The following ALOX5 variants were observed in gnomAD, a reference collection of about 807,000 sequenced individuals.
The protein encoded by ALOX5 is polyunsaturated fatty acid 5-lipoxygenase.
A neutral mutation model predicts 87.9 loss-of-function variants in ALOX5; 64 were observed. The observed-to-expected ratio is 0.73, with a 90% CI of 0.60 to 0.90. The LOEUF (loss-of-function observed/expected upper bound fraction) is 0.90, where lower values mean the gene tolerates loss of function less well. Among genes scored for constraint, ALOX5 ranks in the 40% least tolerant of loss-of-function variants. The pLI is 0.00. For missense variants in ALOX5, 822 were observed against 907.5 expected, an observed-to-expected ratio of 0.91 and a Z score of 1.21; for synonymous variants, 388 against 355.1, an observed-to-expected ratio of 1.09 and a Z score of -1.04.
In ALOX5 at chr10:45,440,466, C is replaced by T. The variant is rs1295949943; in HGVS notation, c.1018C>T (p.Leu340Phe). ...CCCGGGAGATGAGAACCCTATTTTC[C>T]TCCCTTCGGATGCAAAATACGACTG... ...QIPGDENPIF[L>F]PSDAKYDWLL... The change falls in exon 8 of 14, where the codon CTC (leucine) becomes TTC (phenylalanine). Residue 340 changes from leucine to phenylalanine, a missense_variant. Transcript: ENST00000374391. 1 of 1,614,126 alleles carries T rather than the reference C, an allele frequency of 6.2e-7. No individual in the cohort carries two copies. The highest frequency in any genetic ancestry group is 8.5e-7 in the Non-Finnish European group (1 of 1,180,056).
intron 9 of ALOX5, 80 bp from the exon 10 acceptor site, chr10:45,442,958 C>G: frequency 1.3e-6 from 2 of 1,481,988 alleles, no homozygotes; most frequent in South Asian, 1.3e-5. Flanking sequence ...CCTCGCCTCC[C>G]CTGGCACATT....
intron 4 of ALOX5, among the ~76,000 whole-genome samples, chr10:45,419,892 A>G (rs10900216): frequency 0.74 from 112,166 of 152,014 alleles, 41,602 homozygotes; most frequent in East Asian, 0.81. Context: ...AAGGGTGAGG[A>G]CCCAGGCTGG....
intron 7 of ALOX5, among the ~76,000 whole-genome samples, chr10:45,436,639 T>C (rs1161222432): frequency 6.6e-6 from 1 of 152,228 alleles, no homozygotes; most frequent in Non-Finnish European, 1.5e-5. Context: ...TATACCATGC[T>C]GTTTTTGTTA....
intron 3 of ALOX5, among the ~76,000 whole-genome samples, chr10:45,397,257 G>C (rs1471348149): frequency 6.6e-6 from 1 of 152,182 alleles, no homozygotes; most frequent in Non-Finnish European, 1.5e-5. Flanking sequence ...GCATGCGCCT[G>C]TAGTCCCAGC....
intron 7 of ALOX5, among the ~76,000 whole-genome samples, chr10:45,439,389 C>T (rs1310292959): frequency 6.6e-6 from 1 of 152,218 alleles, no homozygotes; most frequent in Non-Finnish European, 1.5e-5. Context: ...TTTCCCAGCA[C>T]CTAAAGTCTG....
In ALOX5 at chr10:45,445,941, C is replaced by T; in HGVS notation, c.*254C>T. ...CCCAGCTCAGCATTTCCACACCAAG[C>T]AGCAACAGCAAATCACGACCACTGA... On this transcript the variant is annotated 3_prime_UTR_variant, in exon 14 of 14. Transcript: ENST00000374391. 2.3e-6 allele frequency: 1 copy of T among 429,562 alleles called. No homozygotes were observed. Among genetic ancestry groups the T allele is most frequent in the Non-Finnish European group, 4.1e-6 (1 of 243,596 alleles). 26.6% of individuals were successfully genotyped at this position (429,562 alleles called of 1,614,324 possible). A position where few individuals can be genotyped will look rare whatever the true frequency, so the allele number is the denominator to read the frequency against.
chr10:45,397,987 T>C (rs2132723007), intron 3 of ALOX5, among the ~76,000 whole-genome samples: 1 of 152,336 alleles, frequency 6.6e-6, no homozygotes, highest in East Asian at 1.9e-4. Context: ...ATTGACAAGC[T>C]GTCAATTCTG....
chr10:45,420,770 G>A (rs191539257), intron 4 of ALOX5, among the ~76,000 whole-genome samples: 21 of 152,370 alleles, frequency 1.4e-4, no homozygotes, highest in Non-Finnish European at 2.2e-4. Flanking sequence ...CAACTGTGGC[G>A]TAAAAAATGG....
rs559973770 is a variant in ALOX5, at chr10:45,378,347, C to T, written c.150+3918C>T. 2.5e-4 allele frequency among the ~76,000 whole-genome samples: 38 copies of T among 152,288 alleles called. 1 individual carries two copies. Among genetic ancestry groups the T allele is most frequent in the Middle Eastern group, 6.8e-3 (2 of 294 alleles). The stretch of plus-strand genomic sequence containing the variant: ...GGGAGGAACCTGGGCTTGGCCATCA[C>T]ACAGGTGTAGGTTCTGATCTTGAGG... On this transcript the variant is annotated intron_variant, in intron 1 of 13. Coordinates refer to ENST00000374391, the MANE Select transcript of ALOX5 (RefSeq NM_000698.5).
intron 2 of ALOX5, among the ~76,000 whole-genome samples, chr10:45,389,095 G>A (rs1840107882): frequency 6.6e-6 from 1 of 152,212 alleles, no homozygotes; most frequent in Non-Finnish European, 1.5e-5. Context: ...GGGTATCAGT[G>A]ACTGAAGATC....
intron 4 of ALOX5, among the ~76,000 whole-genome samples, chr10:45,422,376 C>T (rs1035690305): frequency 2.0e-5 from 3 of 152,166 alleles, no homozygotes; most frequent in East Asian, 3.9e-4. Context: ...CAGCTCAGAC[C>T]CAGCCATGCT....
At chr10:45,410,629 A>C (rs751885070) in intron 3 of ALOX5, among the ~76,000 whole-genome samples, 4 of 152,240 alleles carry the variant, frequency 2.6e-5, no homozygotes, top group Non-Finnish European at 5.9e-5. Context: ...GGACTTTTTT[A>C]AGACCCAAAA....
intron 6 of ALOX5, chr10:45,428,238 T>C (rs1841798581): frequency 5.3e-6 from 1 of 187,962 alleles, no homozygotes; most frequent in Non-Finnish European, 1.1e-5. Flanking sequence ...TTCGCCAGTT[T>C]TGACTTATGT....
At chr10:45,378,331 C>A (rs1003699415) in intron 1 of ALOX5, among the ~76,000 whole-genome samples, 35 of 152,186 alleles carry the variant, frequency 2.3e-4, no homozygotes, top group Non-Finnish European at 2.9e-4. Context: ...TGGGAGGAAC[C>A]TGGGCTTGGC....
At chr10:45,413,431 TG>T (rs1185784353) in intron 4 of ALOX5, among the ~76,000 whole-genome samples, 1 of 152,230 alleles carries the variant, frequency 6.6e-6, no homozygotes, top group Non-Finnish European at 1.5e-5. Context: ...TAGGTATTGA[TG>T]GGATGTATCT....
chr10:45,385,067 G>A (rs1209435393), intron 2 of ALOX5, among the ~76,000 whole-genome samples: 1 of 152,038 alleles, frequency 6.6e-6, no homozygotes, highest in Admixed American at 6.5e-5. Context: ...GGCTAGTCTG[G>A]AACTCCTGAC....
Position 45,428,599 on chromosome 10 carries a change from ATC to A in ALOX5, c.835-13_835-12del, listed in dbSNP as rs1841810429. On this transcript the variant is annotated splice_polypyrimidine_tract_variant and intron_variant, in intron 6 of 13. Transcript: ENST00000374391. ...CGTCTGCTGAGCCTGATTTGGACAC[ATC>A]TCTCTGCCTCCTGCAGCAAGGGAAC... 1.2e-6 allele frequency: 2 copies of A among 1,613,824 alleles called. No individual in the cohort carries two copies. Among genetic ancestry groups the A allele is most frequent in the Non-Finnish European group, 1.7e-6 (2 of 1,179,908 alleles).
intron 1 of ALOX5, 142 bp from the exon 2 acceptor site, chr10:45,382,341 C>T (rs1839859342): frequency 1.3e-6 from 1 of 785,668 alleles, no homozygotes; most frequent in South Asian, 1.7e-5. Flanking sequence ...GAGTATCTTG[C>T]ACCTGCTGTT....
At chr10:45,433,313 C>G (rs1051534059) in intron 7 of ALOX5, among the ~76,000 whole-genome samples, 9 of 152,160 alleles carry the variant, frequency 5.9e-5, no homozygotes, top group Non-Finnish European at 8.8e-5. Flanking sequence ...GATCCCACAG[C>G]GCCTGCTGTA....
Sources: allele counts gnomAD v4.1 joint callset (sites outside exome capture counted in the v4.1 genomes callset), GRCh38; gene constraint gnomAD v4.1.1; transcripts MANE v1.5; gene names NCBI Gene and HGNC (gene_info 2026-07-23, HGNC 2026-07-21).